Variants in PDE1C observed in about 807,000 individuals in gnomAD.
PDE1C encodes the protein dual specificity calcium/calmodulin-dependent 3',5'-cyclic nucleotide phosphodiesterase 1C.
Under a neutral mutation model 93.1 loss-of-function variants are expected in PDE1C, and 62 were observed. The observed-to-expected ratio is 0.67, with a 90% confidence interval of 0.54 to 0.82. The LOEUF (loss-of-function observed/expected upper bound fraction) is 0.82, where lower values mean the gene tolerates loss of function less well. Among genes scored for constraint, PDE1C ranks in the 40% least tolerant of loss-of-function variants. PDE1C has a pLI of 0.00. For missense variants in PDE1C, 742 were observed against 884.6 expected (o/e 0.84, Z 2.04); for synonymous variants, 325 against 310.1 (o/e 1.05, Z -0.50).
intron 2 of PDE1C, among the ~76,000 whole-genome samples, chr7:31,988,059 A>T (rs531917192): frequency 6.6e-6 from 1 of 152,330 alleles, no homozygotes; most frequent in South Asian, 2.1e-4. Context: ...TGTGGACCAT[A>T]GGAAGCTCAC....
chr7:32,011,225 C>T (rs910043752), intron 2 of PDE1C, among the ~76,000 whole-genome samples: 5 of 151,154 alleles, frequency 3.3e-5, no homozygotes, highest in Admixed American at 6.6e-5. Flanking sequence ...AGAAGTCTCG[C>T]TCTGTTGCCC....
chr7:32,336,273 G>C (rs1433503203), intron 1 of PDE1C, among the ~76,000 whole-genome samples: 1 of 152,182 alleles, frequency 6.6e-6, no homozygotes, highest in Non-Finnish European at 1.5e-5. Flanking sequence ...GGAGACTTCA[G>C]GGTGGGAGAA....
At chr7:32,321,008 G>A (rs1402294012) in intron 1 of PDE1C, among the ~76,000 whole-genome samples, 1 of 152,188 alleles carries the variant, frequency 6.6e-6, no homozygotes, top group Non-Finnish European at 1.5e-5. Context: ...ATTTTGGAAT[G>A]GGGAGAGAAC....
chr7:31,780,970 T>C (rs1439564808), intron 16 of PDE1C, among the ~76,000 whole-genome samples: 2 of 152,240 alleles, frequency 1.3e-5, no homozygotes, highest in Non-Finnish European at 2.9e-5. Context: ...GGGGCAGAGA[T>C]GTCACCACTG....
chr7:31,733,187 C>G, the PDE1C span, among the ~76,000 whole-genome samples: 9 of 152,168 alleles, frequency 5.9e-5, no homozygotes, highest in Non-Finnish European at 1.0e-4. Context: ...ACCTCCTTGC[C>G]GTCACCTAAT....
chr7:31,933,812 ACTT>A (rs536537140), intron 2 of PDE1C, among the ~76,000 whole-genome samples: 61 of 152,246 alleles, frequency 4.0e-4, no homozygotes, highest in African/African-American at 1.4e-3. Context: ...GCAAGCTCCC[ACTT>A]CTTCTGCCTT....
At chr7:32,105,474 T>G (rs965236916) in intron 3 of PDE1C, among the ~76,000 whole-genome samples, 1 of 152,186 alleles carries the variant, frequency 6.6e-6, no homozygotes, top group African/African-American at 2.4e-5. Context: ...TCCACCTAGA[T>G]AGACAATTTC....
chr7:31,808,306 T>C (rs372700908), intron 16 of PDE1C: 2 of 369,108 alleles, frequency 5.4e-6, no homozygotes, highest in African/African-American at 4.5e-5. Flanking sequence ...TTTAGCTTAA[T>C]ATGATGTCTG....
chr7:32,267,131 G>C (rs1048115390), intron 1 of PDE1C, among the ~76,000 whole-genome samples: 12 of 152,238 alleles, frequency 7.9e-5, no homozygotes, highest in African/African-American at 2.7e-4. Flanking sequence ...CCTGAGCAGC[G>C]GCGGCCCCTG....
intron 1 of PDE1C, among the ~76,000 whole-genome samples, chr7:32,058,259 C>T (rs773105367): frequency 3.9e-5 from 6 of 152,158 alleles, no homozygotes; most frequent in Non-Finnish European, 8.8e-5. Context: ...CCACTACCAC[C>T]GCCGACACAC....
chr7:32,178,817 C>T (rs919621960), intron 2 of PDE1C, among the ~76,000 whole-genome samples: 2 of 152,152 alleles, frequency 1.3e-5, no homozygotes, highest in Non-Finnish European at 2.9e-5. Flanking sequence ...ACCCATAAAC[C>T]CTCCGGACTG....
At chr7:32,005,804 G>A (rs1304089332) in intron 2 of PDE1C, among the ~76,000 whole-genome samples, 2 of 152,170 alleles carry the variant, frequency 1.3e-5, no homozygotes, top group South Asian at 2.1e-4. Context: ...CTGGTCTACT[G>A]CTAATTTGGC....
chr7:31,909,445 A>T (rs1010721922), intron 2 of PDE1C, among the ~76,000 whole-genome samples: 3 of 152,116 alleles, frequency 2.0e-5, no homozygotes, highest in Non-Finnish European at 1.5e-5. Context: ...CTTGTGCTTT[A>T]TCTCTCAGAT....
At chr7:32,274,562 C>T (rs1029002125) in intron 1 of PDE1C, among the ~76,000 whole-genome samples, 1 of 151,836 alleles carries the variant, frequency 6.6e-6, no homozygotes, top group African/African-American at 2.4e-5. Context: ...TCTGTGAGAC[C>T]AATTAGATGG....
chr7:31,797,829 G>C (rs1002776342), intron 16 of PDE1C, among the ~76,000 whole-genome samples: 5 of 151,680 alleles, frequency 3.3e-5, no homozygotes, highest in African/African-American at 1.2e-4. Context: ...ATGACTGAAA[G>C]TGAACAAGAA....
intron 1 of PDE1C, among the ~76,000 whole-genome samples, chr7:32,414,730 A>G (rs1161370879): frequency 6.6e-6 from 1 of 152,134 alleles, no homozygotes; most frequent in Non-Finnish European, 1.5e-5. Flanking sequence ...TGACAGTGAC[A>G]GCACCATTCA....
At chr7:31,868,914 A>T (rs77819015) in intron 6 of PDE1C, among the ~76,000 whole-genome samples, 2 of 151,924 alleles carry the variant, frequency 1.3e-5, no homozygotes, top group Non-Finnish European at 1.5e-5. Flanking sequence ...AAAAAAAAAA[A>T]GCCAACCAAG....
intron 2 of PDE1C, among the ~76,000 whole-genome samples, chr7:31,911,530 T>C (rs1005383216): frequency 1.3e-5 from 2 of 152,088 alleles, no homozygotes; most frequent in Non-Finnish European, 2.9e-5. Context: ...CCAAAGAAGG[T>C]AGCACCTGTT....
In PDE1C at chr7:31,864,924, G is replaced by A. The variant is rs201404948; in HGVS notation, c.750+18C>T. The A allele has an allele frequency of 2.7e-5, 43 of 1,611,078 alleles. No individual in the cohort carries two copies. The highest frequency in any genetic ancestry group is 3.6e-5 in the Non-Finnish European group (42 of 1,177,598). ...CTTACATCTTTTGGGGAACCTAAGA[G>A]TTCCTATCCCTACTTACCGCCACTC... On this transcript the variant is annotated intron_variant, in intron 7 of 17. Coordinates refer to ENST00000396191, the MANE Select transcript of PDE1C (RefSeq NM_001191057.4).
Sources: allele counts gnomAD v4.1 joint callset (sites outside exome capture counted in the v4.1 genomes callset), GRCh38; gene constraint gnomAD v4.1.1; transcripts MANE v1.5; gene names NCBI Gene and HGNC (gene_info 2026-07-23, HGNC 2026-07-21).